GRM5: variants seen among roughly 807,000 people sequenced by gnomAD.
The protein encoded by GRM5 is glutamate metabotropic receptor 5.
Under a neutral mutation model 83.1 loss-of-function variants are expected in GRM5, and 19 were observed. The observed-to-expected ratio is 0.23, with a 90% CI of 0.16 to 0.34. The LOEUF (loss-of-function observed/expected upper bound fraction) is 0.34, where lower values mean the gene tolerates loss of function less well. Among genes scored for constraint, GRM5 ranks in the 10% least tolerant of loss-of-function variants. The probability of loss-of-function intolerance (pLI) is 1.00; values close to 1 mark genes in which losing one functional copy is unlikely to be tolerated. For synonymous variants in GRM5, 675 were observed against 633.6 expected, an observed-to-expected ratio of 1.07 and a Z score of -0.98; for missense variants, 1,160 against 1,588.3, an observed-to-expected ratio of 0.73 and a Z score of 4.58.
intron 4 of GRM5, among the ~76,000 whole-genome samples, chr11:88,650,053 A>C (rs932734131): frequency 6.6e-6 from 1 of 151,940 alleles, no homozygotes; most frequent in Non-Finnish European, 1.5e-5. Context: ...AACTTAAAAT[A>C]TTCTATATTA....
At chr11:88,657,013 G>A (rs1939781631) in intron 3 of GRM5, among the ~76,000 whole-genome samples, 1 of 152,186 alleles carries the variant, frequency 6.6e-6, no homozygotes, top group Admixed American at 6.5e-5. Flanking sequence ...CAAGGGACTA[G>A]GGATAACTGT....
intron 2 of GRM5, among the ~76,000 whole-genome samples, chr11:88,884,529 GT>G (rs1228074441): frequency 6.6e-6 from 1 of 152,182 alleles, no homozygotes; most frequent in Non-Finnish European, 1.5e-5. Context: ...TTTGGGGACT[GT>G]TGGGAAAGTA....
At chr11:88,792,990 G>A (rs1943204869) in intron 3 of GRM5, among the ~76,000 whole-genome samples, 1 of 152,042 alleles carries the variant, frequency 6.6e-6, no homozygotes, top group African/African-American at 2.4e-5. Flanking sequence ...GACGGGCCTT[G>A]TAATATGCAT....
chr11:88,903,718 G>A (rs1319200121), intron 2 of GRM5, among the ~76,000 whole-genome samples: 1 of 152,188 alleles, frequency 6.6e-6, no homozygotes, highest in Non-Finnish European at 1.5e-5. Flanking sequence ...TGTAGAATGT[G>A]TAATGATGGA....
rs183092935 is a variant in GRM5, at chr11:88,604,817, A to T, written c.1295T>A (p.Ile432Asn). 1 of 1,613,862 alleles carries T rather than the reference A, an allele frequency of 6.2e-7. No homozygotes were observed. The highest frequency in any genetic ancestry group is 8.5e-7 in the Non-Finnish European group (1 of 1,179,856). Reference sequence around the variant, plus strand: ...GGACTCCAAAAGTTTCCGTCCATCAATTGGCTTCATGGCATCACAGAGTCC... The same window carrying T: ...GGACTCCAAAAGTTTCCGTCCATCATTTGGCTTCATGGCATCACAGAGTCC... ...YAGLCDAMKP[I>N]DGRKLLESLM... The change falls in exon 5 of 10, where the codon ATT (isoleucine) becomes AAT (asparagine). Residue 432 changes from isoleucine (I) to asparagine (N), a missense_variant. Ile to Asn is a moderately radical substitution (Grantham distance 149). This residue lies in a region of GRM5 where 132 missense variants were observed against 197.6 expected (regional missense o/e 0.67). Transcript: ENST00000305447.
chr11:88,655,706 A>T (rs186656462), intron 3 of GRM5, among the ~76,000 whole-genome samples: 109 of 147,530 alleles, frequency 7.4e-4, no homozygotes, highest in African/African-American at 2.5e-3. Flanking sequence ...TCTTTTCTGT[A>T]AGTTTAATAA....
intron 4 of GRM5, among the ~76,000 whole-genome samples, chr11:88,632,226 G>A (rs1039060650): frequency 6.8e-6 from 1 of 146,888 alleles, no homozygotes; most frequent in South Asian, 2.2e-4. Flanking sequence ...GTTTCATAGA[G>A]ATTGAATCAC....
intron 5 of GRM5, among the ~76,000 whole-genome samples, chr11:88,600,511 A>T (rs918778224): frequency 6.6e-6 from 1 of 152,044 alleles, no homozygotes; most frequent in African/African-American, 2.4e-5. Flanking sequence ...TAAACCTAGA[A>T]TATTCTAAAT....
At chr11:88,710,270 A>G (rs1056598162) in intron 3 of GRM5, among the ~76,000 whole-genome samples, 1 of 152,146 alleles carries the variant, frequency 6.6e-6, no homozygotes, top group Non-Finnish European at 1.5e-5. Flanking sequence ...ACAACAAAAT[A>G]GAAAAAGAAA....
intron 7 of GRM5, among the ~76,000 whole-genome samples, chr11:88,585,434 T>C (rs907417015): frequency 4.6e-5 from 7 of 152,222 alleles, no homozygotes; most frequent in Admixed American, 4.6e-4. Flanking sequence ...ACTGAATGAA[T>C]AAATCTTTTT....
chr11:88,653,870 G>A (rs1939699335), intron 3 of GRM5, among the ~76,000 whole-genome samples: 1 of 151,888 alleles, frequency 6.6e-6, no homozygotes, highest in African/African-American at 2.4e-5. Context: ...TAATCATCCT[G>A]TGACACAACA....
At chr11:88,516,038 T>A (rs1941511783) in intron 9 of GRM5, among the ~76,000 whole-genome samples, 1 of 152,224 alleles carries the variant, frequency 6.6e-6, no homozygotes, top group Non-Finnish European at 1.5e-5. Context: ...GATAGTTTTT[T>A]AATTACTTAT....
Position 88,991,235 on chromosome 11 carries a change from T to C in GRM5, c.661+55977A>G, listed in dbSNP as rs1418650912. Among the ~76,000 whole-genome samples, 40 of 151,614 alleles carry C rather than the reference T, an allele frequency of 2.6e-4. No individual in the cohort carries two copies. In the East Asian group the frequency reaches 4.7e-3, roughly 18 times the overall value. On this transcript the variant is annotated intron_variant, in intron 2 of 9. Coordinates refer to ENST00000305447, the MANE Select transcript of GRM5 (RefSeq NM_001143831.3). ...ACACCAACAACAGACAAACAGAGAG[T>C]CAAATCATGAGTGAACTCCCATTCA... is the stretch of plus-strand genomic sequence containing the variant.
intron 4 of GRM5, among the ~76,000 whole-genome samples, chr11:88,651,433 T>A (rs907233795): frequency 2.6e-5 from 4 of 151,998 alleles, no homozygotes; most frequent in African/African-American, 9.7e-5. Context: ...ACTCCTTCAA[T>A]GAAGCTACAC....
At chr11:88,962,851 G>A (rs1344074582) in intron 2 of GRM5, among the ~76,000 whole-genome samples, 10 of 152,168 alleles carry the variant, frequency 6.6e-5, no homozygotes, top group Admixed American at 6.5e-4. Flanking sequence ...AGCACTTTGG[G>A]AGGCCAAGGC....
intron 3 of GRM5, among the ~76,000 whole-genome samples, chr11:88,683,763 G>A (rs1000271018): frequency 6.6e-6 from 1 of 152,184 alleles, no homozygotes; most frequent in Non-Finnish European, 1.5e-5. Flanking sequence ...GCTAATATGT[G>A]TCAAGCACAT....
chr11:88,895,727 A>G (rs1486045787), intron 2 of GRM5, among the ~76,000 whole-genome samples: 1 of 151,872 alleles, frequency 6.6e-6, no homozygotes, highest in Non-Finnish European at 1.5e-5. Flanking sequence ...ACTATTTTAA[A>G]TTGGTTTTTC....
chr11:88,887,974 T>G (rs929360520), intron 2 of GRM5, among the ~76,000 whole-genome samples: 1 of 152,172 alleles, frequency 6.6e-6, no homozygotes, highest in Admixed American at 6.5e-5. Flanking sequence ...GCAGCTATTG[T>G]GTGTACCAGC....
intron 2 of GRM5, among the ~76,000 whole-genome samples, chr11:88,852,925 C>G (rs1484817846): frequency 6.6e-6 from 1 of 151,958 alleles, no homozygotes; most frequent in Non-Finnish European, 1.5e-5. Context: ...AGTCTACAGG[C>G]TTCTCAAATA....
Sources: gnomAD v4.1 joint callset for allele counts (sites outside exome capture counted in the v4.1 genomes callset) on GRCh38, gnomAD v4.1.1 for gene constraint, gnomAD v4.1.1 regional missense constraint, MANE v1.5 for transcripts, NCBI Gene and HGNC (gene_info 2026-07-23, HGNC 2026-07-21) for gene names.